NBPF9: variants seen among roughly 807,000 people sequenced by gnomAD.
NBPF9 encodes the protein NBPF member 9.
NBPF9 carries 91 observed loss-of-function variants against 97.8 expected under a neutral mutation model. That is an observed-to-expected ratio of 0.93 (90% CI 0.79 to 1.11). The LOEUF (loss-of-function observed/expected upper bound fraction) is 1.11, where lower values mean the gene tolerates loss of function less well. Among genes scored for constraint, NBPF9 ranks in the 50% least tolerant of loss-of-function variants. The pLI, the probability that NBPF9 is intolerant of heterozygous loss-of-function variation, is 0.00. For missense variants in NBPF9, 992 were observed against 939.5 expected (o/e 1.06, Z -0.73); for synonymous variants, 334 against 359.5 (o/e 0.93, Z 0.80).
At chr1:149,087,998 A>AT (rs1158647840) in intron 5 of NBPF9, among the ~76,000 whole-genome samples, 4 of 150,950 alleles carry the variant, frequency 2.6e-5, no homozygotes, top group Admixed American at 2.6e-4. Context: ...CGCCTAGCTA[A>AT]TTTTTTGTAT....
intron 4 of NBPF9, among the ~76,000 whole-genome samples, chr1:149,097,074 A>AAGGG (rs1386713467): frequency 7.5e-6 from 1 of 133,148 alleles, no homozygotes; most frequent in Non-Finnish European, 1.6e-5. Context: ...AGGAAGGAGG[A>AAGGG]AGGGAGGAAG....
intron 23 of NBPF9, chr1:149,060,914 C>G: frequency 4.9e-6 from 2 of 406,058 alleles, no homozygotes; most frequent in Non-Finnish European, 8.5e-6. Flanking sequence ...CACACACACA[C>G]ACACACACAC....
chr1:149,069,598 G>A (rs782575494), exon 17 of NBPF9: 1 of 746,348 alleles, frequency 1.3e-6, no homozygotes, highest in Non-Finnish European at 2.4e-6. Context: ...CATTACCTGG[G>A]AGACACTGGC....
intron 3 of NBPF9, among the ~76,000 whole-genome samples, chr1:149,100,089 G>C (rs2082049678): frequency 7.1e-6 from 1 of 141,594 alleles, no homozygotes; most frequent in Admixed American, 7.1e-5. Context: ...GCTTATTTAG[G>C]TACGATCCAT....
exon 30 of NBPF9, chr1:149,055,550 C>T (rs587692254): frequency 1.9e-6 from 3 of 1,566,132 alleles, no homozygotes; most frequent in African/African-American, 2.7e-5. Flanking sequence ...CCCACTGACC[C>T]ATCCTATGTC....
In NBPF9 at chr1:149,059,595, T is replaced by A. The variant is rs1233623080; in HGVS notation, c.2585+105A>T. The A allele has an allele frequency of 4.0e-6, 2 of 505,394 alleles. 1 individual carries two copies. Among genetic ancestry groups the A allele is most frequent in the Non-Finnish European group, 7.2e-6 (2 of 279,500 alleles). 31.3% of individuals were successfully genotyped at this position (505,394 alleles called of 1,614,324 possible). ...CAACAGCAATGACAGTAGGAGTAAT[T>A]CAGCCTTCGTTGAAAACGTGACATC... is the stretch of plus-strand genomic sequence containing the variant. On this transcript the variant is annotated intron_variant, in intron 25 of 29. Coordinates refer to ENST00000584027, the Ensembl canonical transcript of NBPF9.
intron 12 of NBPF9, among the ~76,000 whole-genome samples, chr1:149,074,342 A>C (rs2079669978): frequency 6.6e-6 from 1 of 151,494 alleles, no homozygotes; most frequent in African/African-American, 2.4e-5. Context: ...TGATTTTTAA[A>C]TCATATCTTC....
At chr1:149,058,716 G>A (rs1553649579) in intron 26 of NBPF9, 16 of 408,368 alleles carry the variant, frequency 3.9e-5, no homozygotes, top group Non-Finnish European at 6.4e-5. Flanking sequence ...AGGCATGGCT[G>A]GAGACTAGGA....
rs1575833278 is a variant in NBPF9 at position 149,068,267 on chromosome 1, C to A, written c.1637+1327G>T. On this transcript the variant is annotated intron_variant, in intron 17 of 29. Transcript: ENST00000584027. ...CATCATAACGACAGGATCAAATTCA[C>A]ACATAACAATATTAACCTTAAATGT... is the stretch of plus-strand genomic sequence containing the variant. 2.0e-5 allele frequency among the ~76,000 whole-genome samples: 3 copies of A among 149,968 alleles called. No homozygotes were observed. In the South Asian group the frequency reaches 6.4e-4, roughly 32 times the overall value.
At chr1:149,089,600 T>C (rs1183218330) in intron 5 of NBPF9, among the ~76,000 whole-genome samples, 1 of 152,280 alleles carries the variant, frequency 6.6e-6, no homozygotes, top group African/African-American at 2.4e-5. Context: ...GGAGGGGATG[T>C]TATGGGGAAA....
At chr1:149,073,673 T>A (rs1219044029) in intron 13 of NBPF9, 95 bp downstream of exon 13, 13 of 905,744 alleles carry the variant, frequency 1.4e-5, no homozygotes, top group South Asian at 1.2e-4. Context: ...GCCCTTCCCC[T>A]GGCCCAGCTT....
At chr1:149,070,627 G>C (rs1415325927) in intron 16 of NBPF9, among the ~76,000 whole-genome samples, 1 of 151,560 alleles carries the variant, frequency 6.6e-6, no homozygotes, top group East Asian at 2.0e-4. Flanking sequence ...AGGGACAGAT[G>C]ACTTAATCAC....
intron 3 of NBPF9, among the ~76,000 whole-genome samples, chr1:149,099,985 A>G (rs1382482647): frequency 3.8e-5 from 5 of 133,090 alleles, no homozygotes; most frequent in African/African-American, 1.4e-4. Flanking sequence ...CTGTCTCAAG[A>G]AAAAAAAAAA....
chr1:149,082,079 T>G (rs782265320), exon 7 of NBPF9: 2 of 1,610,760 alleles, frequency 1.2e-6, no homozygotes, highest in South Asian at 2.2e-5. Context: ...AATTTCTCGT[T>G]GATTTCTAGA....
chr1:149,074,319 T>C (rs587758035), intron 12 of NBPF9, among the ~76,000 whole-genome samples: 1 of 151,484 alleles, frequency 6.6e-6, no homozygotes, highest in South Asian at 2.1e-4. Flanking sequence ...ATGCGAAAGA[T>C]TTTTTAAATC....
rs1389604407 is a variant in NBPF9 at position 149,099,149 on chromosome 1, T to C, written c.-605-443A>G. On this transcript the variant is annotated intron_variant, in intron 3 of 29. Coordinates refer to ENST00000584027, the Ensembl canonical transcript of NBPF9. ...AGGCAGATCTTAGTGAACAAGAATT[T>C]GATTCTTTCTGTTAGGGAATTAAGA... Among the ~76,000 whole-genome samples the C allele has an allele frequency of 3.7e-4, 56 of 152,300 alleles. 1 individual carries two copies. Among genetic ancestry groups the C allele is most frequent in the East Asian group, 7.8e-4 (4 of 5,138 alleles).
At chr1:149,094,877 A>G (rs1488724824) in intron 4 of NBPF9, among the ~76,000 whole-genome samples, 1 of 145,286 alleles carries the variant, frequency 6.9e-6, no homozygotes, top group African/African-American at 2.7e-5. Flanking sequence ...AAGTGGGAGG[A>G]GCACTTAAAT....
At chr1:149,084,366 CGT>C (rs1253774126) in intron 5 of NBPF9, among the ~76,000 whole-genome samples, 2 of 145,254 alleles carry the variant, frequency 1.4e-5, no homozygotes, top group Admixed American at 6.9e-5. Context: ...TATATACATA[CGT>C]GTGTATATAT....
At chr1:149,070,453 G>C (rs1228805593) in intron 16 of NBPF9, among the ~76,000 whole-genome samples, 2 of 151,636 alleles carry the variant, frequency 1.3e-5, no homozygotes, top group African/African-American at 2.4e-5. Context: ...AAGAAGAAAA[G>C]TTTCCGTCCT....
Sources: allele counts gnomAD v4.1 joint callset (sites outside exome capture counted in the v4.1 genomes callset), GRCh38; gene constraint gnomAD v4.1.1; transcripts MANE v1.5; gene names NCBI Gene and HGNC (gene_info 2026-07-23, HGNC 2026-07-21).